The following LARGE1 variants were observed in gnomAD, a reference collection of about 807,000 sequenced individuals.
LARGE1 encodes xylosyl- and glucuronyltransferase LARGE1.
Under a neutral mutation model 87.6 loss-of-function variants are expected in LARGE1, and 43 were observed. The ratio of observed to expected loss-of-function variants is 0.49; its 90% CI spans 0.38 to 0.63. LARGE1 has a LOEUF of 0.63. Ranked by LOEUF, LARGE1 falls within the 30% of genes least tolerant of loss-of-function variation. The pLI, the probability that LARGE1 is intolerant of heterozygous loss-of-function variation, is 0.00. For missense variants in LARGE1, 802 were observed against 1,000.2 expected, an observed-to-expected ratio of 0.80 and a Z score of 2.67; for synonymous variants, 434 against 394.6, an observed-to-expected ratio of 1.10 and a Z score of -1.18.
chr22:33,071,435 C>T, the LARGE1 span, among the ~76,000 whole-genome samples: 1 of 152,200 alleles, frequency 6.6e-6, no homozygotes, highest in Non-Finnish European at 1.5e-5. Flanking sequence ...GATTCCTGGG[C>T]TGTCTCCTCC....
At chr22:33,772,584 T>A (rs1219377486) in intron 1 of LARGE1, among the ~76,000 whole-genome samples, 1 of 152,074 alleles carries the variant, frequency 6.6e-6, no homozygotes, top group Non-Finnish European at 1.5e-5. Flanking sequence ...CTAGACTGGA[T>A]CTTGAATGCT....
chr22:33,104,315 G>A, the LARGE1 span, among the ~76,000 whole-genome samples: 5 of 152,194 alleles, frequency 3.3e-5, no homozygotes, highest in Admixed American at 2.6e-4. Flanking sequence ...AAGACAGATA[G>A]GATAAGACAG....
At chr22:33,404,264 T>C (rs755624629) in intron 7 of LARGE1, among the ~76,000 whole-genome samples, 65 of 152,090 alleles carry the variant, frequency 4.3e-4, no homozygotes, top group Non-Finnish European at 8.2e-4. Flanking sequence ...AGGAGGAACT[T>C]AGGCAGAATT....
intron 2 of LARGE1, among the ~76,000 whole-genome samples, chr22:33,702,630 C>T (rs1026508824): frequency 2.6e-5 from 4 of 152,052 alleles, no homozygotes; most frequent in African/African-American, 4.8e-5. Flanking sequence ...AGGAAGGCTA[C>T]GTGGAAATCA....
intron 6 of LARGE1, among the ~76,000 whole-genome samples, chr22:33,502,637 C>G (rs145706533): frequency 1.3e-5 from 2 of 151,872 alleles, no homozygotes; most frequent in African/African-American, 4.8e-5. Flanking sequence ...GGCGTGATCT[C>G]GGCTCACTGC....
intron 2 of LARGE1, among the ~76,000 whole-genome samples, chr22:33,678,591 C>T (rs1316297403): frequency 6.6e-6 from 1 of 152,134 alleles, no homozygotes; most frequent in East Asian, 1.9e-4. Flanking sequence ...GAAGATAAAC[C>T]TCAGCTCAAG....
At chr22:33,258,638 G>C (rs1927446222) in intron 11 of LARGE1, among the ~76,000 whole-genome samples, 1 of 152,166 alleles carries the variant, frequency 6.6e-6, no homozygotes, top group Admixed American at 6.5e-5. Context: ...GGAGTGTCCT[G>C]ATATCCCAAT....
chr22:33,304,393 C>T lies in LARGE1; in HGVS notation c.1566G>A (p.Val522=), dbSNP rs752258983. 4.3e-6 allele frequency: 7 copies of T among 1,614,156 alleles called. No individual in the cohort carries two copies. In the African/African-American group the frequency reaches 9.3e-5, roughly 22 times the overall value. The change falls in exon 12 of 15, where the codon GTG becomes GTA. Residue 522 remains valine, a synonymous_variant. Coordinates refer to ENST00000397394, the MANE Select transcript of LARGE1 (RefSeq NM_133642.5). ...AGCCCACGTTGTGGCGGCTCATAAG[C>T]ACCTCAGAGCCCTGTGCGTAGCGGA... is the stretch of plus-strand genomic sequence containing the variant. ...QFLRYAQGSE[V]LMSRHNVGYH...
At position 33,856,033 on chromosome 22, in the gene LARGE1, G is replaced by A. The variant is rs187971019; in HGVS notation, c.-83+63962C>T. Among the ~76,000 whole-genome samples the A allele has an allele frequency of 3.6e-3, 553 of 152,256 alleles. 5 individuals are homozygous for A. The highest frequency in any genetic ancestry group is 3.6e-3 in the Non-Finnish European group (244 of 68,018). On this transcript the variant is annotated intron_variant, in intron 1 of 14. Transcript: ENST00000397394. ...CTGTGCTGCTTACTGGAGGCTTCCC[G>A]GGCACCCAGCCCTACGCTGGCACCT...
At chr22:33,485,225 T>A (rs1470133097) in intron 6 of LARGE1, among the ~76,000 whole-genome samples, 2 of 148,832 alleles carry the variant, frequency 1.3e-5, no homozygotes, top group African/African-American at 5.0e-5. Flanking sequence ...AGTCTTTTTT[T>A]TTTTTTGAGA....
intron 2 of LARGE1, among the ~76,000 whole-genome samples, chr22:33,683,883 T>C (rs1022539074): frequency 2.0e-5 from 3 of 152,136 alleles, no homozygotes; most frequent in East Asian, 1.9e-4. Flanking sequence ...CCAGAAGTAC[T>C]AGAATGGAGC....
chr22:33,405,788 G>A (rs1371434438), intron 7 of LARGE1, among the ~76,000 whole-genome samples: 1 of 152,204 alleles, frequency 6.6e-6, no homozygotes, highest in African/African-American at 2.4e-5. Flanking sequence ...AATGCTGAAC[G>A]AAAAGTCAGT....
At chr22:33,773,572 C>T (rs1331867480) in intron 1 of LARGE1, among the ~76,000 whole-genome samples, 1 of 152,170 alleles carries the variant, frequency 6.6e-6, no homozygotes, top group African/African-American at 2.4e-5. Flanking sequence ...CCGAATTGTG[C>T]CCATCTTGTC....
intron 9 of LARGE1, among the ~76,000 whole-genome samples, chr22:33,351,711 T>C (rs1365516445): frequency 2.6e-5 from 4 of 151,858 alleles, no homozygotes; most frequent in Non-Finnish European, 5.9e-5. Context: ...GTAGATATAA[T>C]GACTCACTTT....
At chr22:33,135,888 A>G in the LARGE1 span, among the ~76,000 whole-genome samples, 18 of 149,138 alleles carry the variant, frequency 1.2e-4, 1 homozygote, top group Non-Finnish European at 1.5e-5. Context: ...AAAAGTGAGA[A>G]GCCAACAGAA....
chr22:33,435,105 G>A (rs1196254046), intron 6 of LARGE1, among the ~76,000 whole-genome samples: 4 of 152,258 alleles, frequency 2.6e-5, no homozygotes, highest in East Asian at 1.9e-4. Flanking sequence ...GAGTTAAAGC[G>A]ATTCTCCTGC....
chr22:33,435,773 T>C (rs2067247830), intron 6 of LARGE1, among the ~76,000 whole-genome samples: 1 of 152,212 alleles, frequency 6.6e-6, no homozygotes, highest in South Asian at 2.1e-4. Flanking sequence ...ATTCAGTTTG[T>C]ACCTGGGCTG....
intron 10 of LARGE1, among the ~76,000 whole-genome samples, chr22:33,328,876 A>G (rs1233086506): frequency 6.6e-6 from 1 of 152,156 alleles, no homozygotes; most frequent in African/African-American, 2.4e-5. Context: ...GTCTTGAACA[A>G]GTAAATCATT....
intron 1 of LARGE1, among the ~76,000 whole-genome samples, chr22:33,852,864 AAAAAAAAAAAAAAAAGAAAG>A (rs1195702605): frequency 0.042 from 4,414 of 105,564 alleles, 279 homozygotes; most frequent in African/African-American, 0.16. Flanking sequence ...TCCAAAAAAA[AAAAAAAAAAAAAAAAGAAAG>A]AAAGAAAGAA....
Sources: allele counts gnomAD v4.1 joint callset (sites outside exome capture counted in the v4.1 genomes callset), GRCh38; gene constraint gnomAD v4.1.1; transcripts MANE v1.5; gene names NCBI Gene and HGNC (gene_info 2026-07-23, HGNC 2026-07-21).